CFAP77: variants seen among roughly 807,000 people sequenced by gnomAD.
The protein encoded by CFAP77 is cilia- and flagella-associated protein 77.
Under a neutral mutation model 31.1 loss-of-function variants are expected in CFAP77, and 25 were observed. The ratio of observed to expected loss-of-function variants is 0.80; its 90% CI spans 0.59 to 1.12. The LOEUF (loss-of-function observed/expected upper bound fraction) is 1.12, where lower values mean the gene tolerates loss of function less well. Ranked by LOEUF, CFAP77 falls within the 50% of genes most tolerant of loss-of-function variation. The pLI is 0.00. For missense variants in CFAP77, 377 were observed against 397.3 expected (o/e 0.95, Z 0.44); for synonymous variants, 151 against 159.9 (o/e 0.94, Z 0.42).
chr9:132,520,708 C>T (rs1357652760), intron 3 of CFAP77, among the ~76,000 whole-genome samples: 1 of 152,220 alleles, frequency 6.6e-6, no homozygotes, highest in Non-Finnish European at 1.5e-5. Context: ...GTGCCTTCCC[C>T]TGCCTCCAGG....
chr9:132,442,827 C>A (rs1316848127), intron 1 of CFAP77, among the ~76,000 whole-genome samples: 2 of 152,120 alleles, frequency 1.3e-5, no homozygotes, highest in African/African-American at 4.8e-5. Flanking sequence ...CAGGTGTGAG[C>A]CACCACACAC....
chr9:132,572,493 A>G lies in CFAP77; in HGVS notation c.838A>G (p.Asn280Asp), dbSNP rs1486544652. The change falls in exon 6 of 6, where the codon AAC becomes GAC. Residue 280 changes from asparagine to aspartate, a missense_variant. Coordinates refer to ENST00000393216, the MANE Select transcript of CFAP77 (RefSeq NM_001282957.2). ...AVRQGTLRMG[N>D]YTHP ...GCGCCAGGGGACCCTGCGGATGGGC[A>G]ACTACACCCACCCCTAGCCCCTCCC... The G allele has an allele frequency of 2.2e-5, 36 of 1,607,278 alleles. No homozygotes were observed. The highest frequency in any genetic ancestry group is 3.1e-5 in the Non-Finnish European group (36 of 1,179,748).
intron 1 of CFAP77, among the ~76,000 whole-genome samples, chr9:132,459,392 A>G (rs533649532): frequency 1.9e-4 from 28 of 151,172 alleles, no homozygotes; most frequent in Admixed American, 8.6e-4. Context: ...AATTTATCCC[A>G]TGCACCTAAT....
chr9:132,423,801 G>T (rs1479743841), intron 1 of CFAP77, among the ~76,000 whole-genome samples: 1 of 152,254 alleles, frequency 6.6e-6, no homozygotes, highest in Non-Finnish European at 1.5e-5. Flanking sequence ...TAAATGGCAG[G>T]ATTGGGGCTG....
At chr9:132,482,346 G>A in intron 1 of CFAP77, 2 of 1,613,774 alleles carry the variant, frequency 1.2e-6, no homozygotes, top group Non-Finnish European at 1.7e-6. Context: ...CTCTTATTCT[G>A]TTTATGACTC....
rs1055402426 is a variant in CFAP77, at chr9:132,554,678, C to A, written c.732+11631C>A. Among the ~76,000 whole-genome samples the A allele has an allele frequency of 2.0e-5, 3 of 152,194 alleles. No homozygotes were observed. Among genetic ancestry groups the A allele is most frequent in the Non-Finnish European group, 2.9e-5 (2 of 68,038 alleles). On this transcript the variant is annotated intron_variant, in intron 5 of 5. Coordinates refer to ENST00000393216, the MANE Select transcript of CFAP77 (RefSeq NM_001282957.2). The surrounding 1 kb of genome is among the most constrained non-coding windows in gnomAD (Gnocchi z 4.1). ...CACCTTGCGTGCAATCCGCCAGATA[C>A]CTTCAAATCACTTGGAAGGAGACAG...
intron 5 of CFAP77, among the ~76,000 whole-genome samples, chr9:132,558,014 G>T (rs930535527): frequency 6.6e-6 from 1 of 152,246 alleles, no homozygotes; most frequent in East Asian, 1.9e-4. Flanking sequence ...CTAATCAATC[G>T]TTGTGTACTT....
chr9:132,557,371 C>T (rs1023312438), intron 5 of CFAP77, among the ~76,000 whole-genome samples: 1 of 152,198 alleles, frequency 6.6e-6, no homozygotes, highest in African/African-American at 2.4e-5. Flanking sequence ...GCCGTGGGGG[C>T]ACGGGAGGAA....
At chr9:132,549,504 T>A (rs1852790800) in intron 5 of CFAP77, among the ~76,000 whole-genome samples, 1 of 152,096 alleles carries the variant, frequency 6.6e-6, no homozygotes, top group South Asian at 2.1e-4. Flanking sequence ...CCATTCTACA[T>A]GGATCAGTAT....
intron 3 of CFAP77, among the ~76,000 whole-genome samples, chr9:132,512,984 CT>C (rs903551781): frequency 4.6e-5 from 7 of 152,000 alleles, no homozygotes; most frequent in African/African-American, 1.7e-4. Flanking sequence ...GGTATAAATG[CT>C]TTTATGAGGA....
intron 1 of CFAP77, among the ~76,000 whole-genome samples, chr9:132,479,191 T>C (rs1490009013): frequency 6.6e-6 from 1 of 152,166 alleles, no homozygotes; most frequent in Admixed American, 6.5e-5. Context: ...CTCAGAATCT[T>C]TACCTTAGTG....
chr9:132,536,594 A>C (rs541365478), intron 3 of CFAP77, among the ~76,000 whole-genome samples: 139 of 152,196 alleles, frequency 9.1e-4, no homozygotes, highest in African/African-American at 3.3e-3. Context: ...GGGCTTCACC[A>C]TGTTGGCCAG....
chr9:132,459,906 G>A (rs1851019819), intron 1 of CFAP77, among the ~76,000 whole-genome samples: 1 of 151,624 alleles, frequency 6.6e-6, no homozygotes, highest in Admixed American at 6.6e-5. Context: ...GTGTTAGTGT[G>A]TGAGTGTGAG....
chr9:132,507,625 A>G (rs1223674740), intron 3 of CFAP77, among the ~76,000 whole-genome samples: 2 of 152,192 alleles, frequency 1.3e-5, no homozygotes, highest in Non-Finnish European at 2.9e-5. Flanking sequence ...TTACAAATTT[A>G]CAGTGGGCCC....
At chr9:132,466,112 G>T (rs1289379598) in intron 1 of CFAP77, among the ~76,000 whole-genome samples, 1 of 152,086 alleles carries the variant, frequency 6.6e-6, no homozygotes, top group African/African-American at 2.4e-5. Flanking sequence ...TTAAAGACAT[G>T]GTCTTGCTCT....
chr9:132,457,122 G>A (rs1467493501), intron 1 of CFAP77, among the ~76,000 whole-genome samples: 1 of 152,118 alleles, frequency 6.6e-6, no homozygotes, highest in East Asian at 1.9e-4. Context: ...AGCTGACTGA[G>A]CCCCCTAAAC....
At chr9:132,419,519 A>G (rs1420473455) in intron 1 of CFAP77, among the ~76,000 whole-genome samples, 1 of 152,226 alleles carries the variant, frequency 6.6e-6, no homozygotes, top group Non-Finnish European at 1.5e-5. Flanking sequence ...CTGTTGAGGG[A>G]ATTAGAAAAT....
rs947444140 is a variant in CFAP77, at chr9:132,511,775, C to T, written c.524+12175C>T. Among the ~76,000 whole-genome samples the T allele has an allele frequency of 1.1e-4, 17 of 152,292 alleles. No homozygotes were observed. Among genetic ancestry groups the T allele is most frequent in the Admixed American group, 5.9e-4 (9 of 15,300 alleles). ...ATGGCTTAAAATAACAAAAATGAAG[C>T]GGCCGCGCGGCGGCTCACGCCTGTC... On this transcript the variant is annotated intron_variant, in intron 3 of 5. Transcript: ENST00000393216. This position sits in a 1 kb window ranked among gnomAD's most constrained non-coding sequence, Gnocchi z 5.8.
At chr9:132,411,947 T>C (rs1225844354) in intron 1 of CFAP77, among the ~76,000 whole-genome samples, 1 of 152,220 alleles carries the variant, frequency 6.6e-6, no homozygotes, top group Non-Finnish European at 1.5e-5. Flanking sequence ...ACATCTATCA[T>C]ATATACATGT....
Sources: gnomAD v4.1 joint callset for allele counts (sites outside exome capture counted in the v4.1 genomes callset) on GRCh38, gnomAD v4.1.1 for gene constraint, Gnocchi (gnomAD v3.1) non-coding constraint, MANE v1.5 for transcripts, NCBI Gene and HGNC (gene_info 2026-07-23, HGNC 2026-07-21) for gene names.